Variants in CCDC102B observed in about 807,000 individuals in gnomAD.
The protein encoded by CCDC102B is coiled-coil domain containing 102B.
A neutral mutation model predicts 57.4 loss-of-function variants in CCDC102B; 75 were observed. The observed-to-expected ratio is 1.31, with a 90% CI of 1.08 to 1.58. The LOEUF (loss-of-function observed/expected upper bound fraction) is 1.58, where lower values mean the gene tolerates loss of function less well. Among genes scored for constraint, CCDC102B ranks in the 40% most tolerant of loss-of-function variants. The pLI, the probability that CCDC102B is intolerant of heterozygous loss-of-function variation, is 0.00. For synonymous variants in CCDC102B, 206 were observed against 201.9 expected (o/e 1.02, Z -0.17); for missense variants, 636 against 582.6 (o/e 1.09, Z -0.94).
chr18:68,966,884 G>A (rs2050178563), intron 6 of CCDC102B, among the ~76,000 whole-genome samples: 2 of 152,030 alleles, frequency 1.3e-5, no homozygotes, highest in East Asian at 1.9e-4. Flanking sequence ...CCCCAGCTGT[G>A]GTGGAATCTA....
chr18:68,907,909 G>C (rs1362637555), intron 6 of CCDC102B: 1 of 152,132 alleles, frequency 6.6e-6, no homozygotes, highest in Non-Finnish European at 1.5e-5. Flanking sequence ...TGATTATTAG[G>C]TTAGCTGCAG....
At chr18:68,863,030 A>C (rs530811886) in intron 4 of CCDC102B, among the ~76,000 whole-genome samples, 124 of 152,020 alleles carry the variant, frequency 8.2e-4, no homozygotes, top group African/African-American at 2.8e-3. Context: ...TAAACCTAAA[A>C]AATTAAAAAT....
chr18:68,789,253 G>T (rs2035335770), intron 2 of CCDC102B, among the ~76,000 whole-genome samples: 2 of 152,048 alleles, frequency 1.3e-5, no homozygotes, highest in Admixed American at 6.6e-5. Context: ...CTCTCTGGCT[G>T]CCCTTAACAT....
chr18:68,864,582 A>G (rs1396881514), intron 4 of CCDC102B, among the ~76,000 whole-genome samples: 2 of 151,444 alleles, frequency 1.3e-5, no homozygotes, highest in Non-Finnish European at 3.0e-5. Flanking sequence ...ATGCACTAAA[A>G]ATTAGTTCTG....
intron 7 of CCDC102B, among the ~76,000 whole-genome samples, chr18:69,044,326 G>A (rs1036614442): frequency 6.6e-6 from 1 of 152,066 alleles, no homozygotes; most frequent in Non-Finnish European, 1.5e-5. Flanking sequence ...AGTAACTTTG[G>A]TTCTTAACCG....
intron 7 of CCDC102B, among the ~76,000 whole-genome samples, chr18:69,040,487 T>C (rs2052408617): frequency 6.6e-6 from 1 of 151,122 alleles, no homozygotes; most frequent in Non-Finnish European, 1.5e-5. Context: ...TTTGATCAAT[T>C]TGATGGTATT....
intron 6 of CCDC102B, among the ~76,000 whole-genome samples, chr18:68,970,225 T>C (rs1424484669): frequency 6.6e-6 from 1 of 152,058 alleles, no homozygotes. Flanking sequence ...CACACTTCTT[T>C]ATCTTTCAAT....
chr18:69,043,210 T>C (rs1371966628), intron 7 of CCDC102B, among the ~76,000 whole-genome samples: 1 of 152,158 alleles, frequency 6.6e-6, no homozygotes, highest in Non-Finnish European at 1.5e-5. Context: ...AAAGCAGTAT[T>C]GCTGCCCACA....
At chr18:68,820,008 T>C (rs576910663) in intron 1 of CCDC102B, among the ~76,000 whole-genome samples, 1 of 152,242 alleles carries the variant, frequency 6.6e-6, no homozygotes, top group South Asian at 2.1e-4. Context: ...CACAATCATA[T>C]GTACAAAATG....
chr18:68,919,436 G>C (rs1036642752), intron 6 of CCDC102B, among the ~76,000 whole-genome samples: 2 of 151,950 alleles, frequency 1.3e-5, no homozygotes, highest in Admixed American at 6.6e-5. Context: ...AAAAAACATT[G>C]GTTTCCTAAT....
At chr18:69,036,130 T>TA (rs2052285523) in intron 7 of CCDC102B, among the ~76,000 whole-genome samples, 1 of 152,118 alleles carries the variant, frequency 6.6e-6, no homozygotes, top group South Asian at 2.1e-4. Context: ...TATATACCAA[T>TA]AAAAAGAGGA....
intron 6 of CCDC102B, among the ~76,000 whole-genome samples, chr18:68,982,293 T>G (rs1435724085): frequency 6.6e-6 from 1 of 151,996 alleles, no homozygotes; most frequent in Non-Finnish European, 1.5e-5. Context: ...TGTATTGAAC[T>G]TAGTATATGA....
chr18:68,780,098 A>G (rs1003388235), intron 2 of CCDC102B, among the ~76,000 whole-genome samples: 1 of 152,158 alleles, frequency 6.6e-6, no homozygotes, highest in Non-Finnish European at 1.5e-5. Flanking sequence ...CACATTCTAT[A>G]TAAATGAATT....
chr18:68,762,941 G>A (rs1041912622), intron 2 of CCDC102B, among the ~76,000 whole-genome samples: 5 of 151,962 alleles, frequency 3.3e-5, no homozygotes, highest in African/African-American at 4.8e-5. Context: ...GATAAGGGGG[G>A]ACTACTGTAA....
At chr18:68,736,083 C>T (rs949298814) in intron 2 of CCDC102B, among the ~76,000 whole-genome samples, 2 of 152,242 alleles carry the variant, frequency 1.3e-5, no homozygotes, top group Non-Finnish European at 1.5e-5. Context: ...AAAAACAATA[C>T]TTTGTCACTG....
intron 7 of CCDC102B, among the ~76,000 whole-genome samples, chr18:69,029,799 G>C (rs367663575): frequency 6.6e-6 from 1 of 152,178 alleles, no homozygotes; most frequent in South Asian, 2.1e-4. Flanking sequence ...GTTCAAAGAA[G>C]AAGGAAGCAA....
intron 2 of CCDC102B, among the ~76,000 whole-genome samples, chr18:68,763,404 A>G (rs1342499367): frequency 6.6e-6 from 1 of 152,126 alleles, no homozygotes; most frequent in East Asian, 1.9e-4. Flanking sequence ...ATTCCTCCCT[A>G]GAGGAGAGGA....
Position 68,847,874 on chromosome 18 carries a change from T to C in CCDC102B, c.936+1453T>C, listed in dbSNP as rs577302038. On this transcript the variant is annotated intron_variant, in intron 4 of 7. Coordinates refer to ENST00000360242, the MANE Select transcript of CCDC102B (RefSeq NM_024781.3). ...AAATTTTGTAGACATTGAAAATTTA[T>C]AAATATAAAGATGAAACATTGTTTG... Among the ~76,000 whole-genome samples the C allele has an allele frequency of 3.3e-5, 5 of 151,960 alleles. No individual in the cohort carries two copies. In the South Asian group the frequency reaches 1.0e-3, roughly 31 times the overall value.
Position 69,048,088 on chromosome 18 carries a change from A to G in CCDC102B, c.1435-5942A>G, listed in dbSNP as rs528828184. Among the ~76,000 whole-genome samples, 105 of 152,260 alleles carry G rather than the reference A, an allele frequency of 6.9e-4. 1 individual carries two copies. Among genetic ancestry groups the G allele is most frequent in the African/African-American group, 7.2e-5 (3 of 41,568 alleles). On this transcript the variant is annotated intron_variant, in intron 7 of 7. Transcript: ENST00000360242. ...TGATATTCAAATACTAAAATCTAAA[A>G]TAATAGAGCAGAAGTTAAAAATTTA...
Sources: allele counts gnomAD v4.1 joint callset (sites outside exome capture counted in the v4.1 genomes callset), GRCh38; gene constraint gnomAD v4.1.1; transcripts MANE v1.5; gene names NCBI Gene and HGNC (gene_info 2026-07-23, HGNC 2026-07-21).